The following HMCN1 variants were observed in gnomAD, a reference collection of about 807,000 sequenced individuals.
HMCN1 encodes hemicentin 1.
A neutral mutation model predicts 625.9 loss-of-function variants in HMCN1; 321 were observed. The ratio of observed to expected loss-of-function variants is 0.51; its 90% CI spans 0.47 to 0.56. The LOEUF is 0.56. HMCN1 is among the 20% of genes least tolerant of loss of function. The pLI is 0.00. For synonymous variants in HMCN1, 2,425 were observed against 2,417.6 expected (o/e 1.00, Z -0.09); for missense variants, 6,588 against 6,887.3 (o/e 0.96, Z 1.54).
At chr1:185,980,343 G>A (rs1651527432) in intron 16 of HMCN1, among the ~76,000 whole-genome samples, 1 of 152,106 alleles carries the variant, frequency 6.6e-6, no homozygotes, top group Non-Finnish European at 1.5e-5. Context: ...AAGATGATGT[G>A]CAATTATTAC....
At chr1:185,888,552 T>A (rs1571506493) in intron 4 of HMCN1, among the ~76,000 whole-genome samples, 1 of 144,978 alleles carries the variant, frequency 6.9e-6, no homozygotes, top group Non-Finnish European at 1.5e-5. Flanking sequence ...CCAGCACCAT[T>A]TATTAAAGAG....
At chr1:186,099,947 A>G (rs892320038) in intron 68 of HMCN1, among the ~76,000 whole-genome samples, 1 of 152,154 alleles carries the variant, frequency 6.6e-6, no homozygotes, top group African/African-American at 2.4e-5. Context: ...TTTTACAGCC[A>G]GATTTCGTTT....
In HMCN1 at chr1:186,045,881, T is replaced by C. The variant is rs941454591; in HGVS notation, c.6480+18T>C. ...TGTTAAAGGTAAGGATATGGATTCA[T>C]TTATTTTACCTTATGTTATTAGAAG... On this transcript the variant is annotated intron_variant, in intron 41 of 106. Transcript: ENST00000271588. 27 of 1,558,294 alleles carry C rather than the reference T, an allele frequency of 1.7e-5. No individual in the cohort carries two copies. The highest frequency in any genetic ancestry group is 2.4e-5 in the Non-Finnish European group (27 of 1,129,724).
Position 185,911,792 on chromosome 1 carries a change from T to C in HMCN1, c.900+12T>C, listed in dbSNP as rs952357263. On this transcript the variant is annotated intron_variant, in intron 6 of 106. Coordinates refer to ENST00000271588, the MANE Select transcript of HMCN1 (RefSeq NM_031935.3). ...TGTGGACAGTGAAGGTACGGTTGTT[T>C]CACAAAGTTTGTTTATTGTTTTATT... The C allele has an allele frequency of 5.4e-5, 86 of 1,582,708 alleles. No individual in the cohort carries two copies. The highest frequency in any genetic ancestry group is 6.9e-5 in the Non-Finnish European group (80 of 1,151,770).
chr1:185,989,748 A>T (rs1377608998), intron 21 of HMCN1, 101 bp downstream of exon 21: 4 of 1,084,640 alleles, frequency 3.7e-6, no homozygotes, highest in African/African-American at 1.6e-5. Flanking sequence ...GTACCCCTAA[A>T]GTGAACTGCT....
chr1:186,010,053 CTCG>C (rs1241655685), intron 30 of HMCN1, among the ~76,000 whole-genome samples: 1 of 152,096 alleles, frequency 6.6e-6, no homozygotes, highest in African/African-American at 2.4e-5. Context: ...GTAATGCTTG[CTCG>C]TCCGTCACCT....
chr1:186,055,589 T>C lies in HMCN1; in HGVS notation c.7059T>C (p.Ile2353=), dbSNP rs779906763. ...GTCACATCCTTCAGCTGAAGAACAT[T>C]CATGTATCTGACACAGGCCGTTATG... ...DEGHILQLKN[I]HVSDTGRYVC... The change falls in exon 45 of 107, where the codon ATT becomes ATC. Residue 2353 remains isoleucine (I), a synonymous_variant. Coordinates refer to ENST00000271588, the MANE Select transcript of HMCN1 (RefSeq NM_031935.3). 1.9e-6 allele frequency: 3 copies of C among 1,612,690 alleles called. No individual in the cohort carries two copies. The highest frequency in any genetic ancestry group is 2.5e-6 in the Non-Finnish European group (3 of 1,179,196).
rs1011504574 is a variant in HMCN1, at chr1:185,977,775, A to G, written c.2372-12A>G. The G allele has an allele frequency of 6.3e-7, 1 of 1,589,068 alleles. No homozygotes were observed. Among genetic ancestry groups the G allele is most frequent in the Non-Finnish European group, 8.6e-7 (1 of 1,157,536 alleles). ...TACCGATGACTTATTTGTTGTTTGT[A>G]ATGTCTTCCAGCACCTCCAGTTTTC... On this transcript the variant is annotated splice_polypyrimidine_tract_variant and intron_variant, in intron 15 of 106. Transcript: ENST00000271588.
intron 71 of HMCN1, among the ~76,000 whole-genome samples, chr1:186,110,223 A>G (rs1247055685): frequency 1.3e-5 from 2 of 152,190 alleles, no homozygotes; most frequent in African/African-American, 2.4e-5. Context: ...TCATCATGGT[A>G]TAATCTCTTG....
rs533785909 is a variant in HMCN1 at position 185,978,703 on chromosome 1, C to T, written c.2566+722C>T. Among the ~76,000 whole-genome samples the T allele has an allele frequency of 1.7e-4, 26 of 152,052 alleles. 2 individuals carry two copies. The South Asian group carries it at 4.4e-3, about 26-fold the overall frequency. On this transcript the variant is annotated intron_variant, in intron 16 of 106. Coordinates refer to ENST00000271588, the MANE Select transcript of HMCN1 (RefSeq NM_031935.3). The stretch of plus-strand genomic sequence containing the variant: ...TTTATTTTTATATTTTGGGTGGGTA[C>T]GGGTTCTCATTCTGTTGCCCAGGCT...
Position 186,108,464 on chromosome 1 carries a change from C to T in HMCN1, c.10856C>T (p.Pro3619Leu). ...TTGTATTTGTTCTCACACCCAGTACCTCCTAATATTGCTGGAACTGATGAG... is the reference window on the plus strand; with the variant it reads ...TTGTATTTGTTCTCACACCCAGTACTTCCTAATATTGCTGGAACTGATGAG... ...DKEYLVRVHV[P>L]PNIAGTDEPR... is the part of the protein sequence containing the mutation. Residue 3619 changes from proline (P) to leucine (L), a missense_variant, in exon 71 of 107, where the codon CCT (proline) becomes CTT (leucine). Around this residue, in one of 3 missense-constraint regions of HMCN1, gnomAD observed 4,628 missense variants for 4,853.1 expected, o/e 0.95. Coordinates refer to ENST00000271588, the MANE Select transcript of HMCN1 (RefSeq NM_031935.3). 1 of 1,614,060 alleles carries T rather than the reference C, an allele frequency of 6.2e-7. No individual in the cohort carries two copies. Among genetic ancestry groups the T allele is most frequent in the Non-Finnish European group, 8.5e-7 (1 of 1,179,996 alleles).
intron 99 of HMCN1, 152 bp from the exon 100 acceptor site, chr1:186,166,656 C>T (rs983009078): frequency 3.1e-6 from 3 of 978,040 alleles, no homozygotes; most frequent in East Asian, 2.6e-5. Flanking sequence ...CTATTTAGCC[C>T]ACCTGATGTG....
chr1:185,869,411 A>G (rs1364850564), intron 4 of HMCN1, among the ~76,000 whole-genome samples: 1 of 152,124 alleles, frequency 6.6e-6, no homozygotes, highest in East Asian at 1.9e-4. Flanking sequence ...GTGCCCAATA[A>G]ATATTAACTA....
At chr1:185,815,946 A>T (rs1163598056) in intron 1 of HMCN1, among the ~76,000 whole-genome samples, 1 of 150,066 alleles carries the variant, frequency 6.7e-6, no homozygotes, top group African/African-American at 2.5e-5. Context: ...CATGAGCAAT[A>T]CTGCTACCCA....
intron 80 of HMCN1, among the ~76,000 whole-genome samples, chr1:186,122,439 C>T (rs1661440342): frequency 6.6e-6 from 1 of 152,050 alleles, no homozygotes; most frequent in South Asian, 2.1e-4. Context: ...AAGAGTTTTA[C>T]CTATATAATT....
chr1:185,962,833 A>T (rs1309813922), intron 12 of HMCN1, among the ~76,000 whole-genome samples, 174 bp downstream of exon 12: 1 of 152,180 alleles, frequency 6.6e-6, no homozygotes, highest in Non-Finnish European at 1.5e-5. Context: ...TGATGACTTT[A>T]TAAAGTTTGA....
chr1:186,183,188 A>G (rs1198635815), intron 105 of HMCN1, among the ~76,000 whole-genome samples: 1 of 152,230 alleles, frequency 6.6e-6, no homozygotes, highest in East Asian at 1.9e-4. Flanking sequence ...TAAAAGCTCC[A>G]AAAGAGTGCT....
At chr1:185,954,341 T>C (rs1649462828) in intron 11 of HMCN1, among the ~76,000 whole-genome samples, 1 of 152,118 alleles carries the variant, frequency 6.6e-6, no homozygotes, top group Non-Finnish European at 1.5e-5. Context: ...AGTACTTAGG[T>C]TTCGTTGTGA....
At chr1:186,114,697 G>A in intron 73 of HMCN1, 122 bp from the exon 74 acceptor site, 1 of 1,153,384 alleles carries the variant, frequency 8.7e-7, no homozygotes, top group Non-Finnish European at 1.3e-6. Flanking sequence ...ATAAACATGT[G>A]TCATCTGAAA....
Sources: allele counts gnomAD v4.1 joint callset (sites outside exome capture counted in the v4.1 genomes callset), GRCh38; gene constraint gnomAD v4.1.1; regional missense constraint gnomAD v4.1.1; transcripts MANE v1.5; gene names NCBI Gene and HGNC (gene_info 2026-07-23, HGNC 2026-07-21).